HIPK2: variants seen among roughly 807,000 people sequenced by gnomAD.
HIPK2 encodes homeodomain interacting protein kinase 2.
In HIPK2, 27 loss-of-function variants were observed where a neutral mutation model predicts 113.7. The ratio of observed to expected loss-of-function variants is 0.24; its 90% confidence interval spans 0.17 to 0.33. The LOEUF (loss-of-function observed/expected upper bound fraction) is 0.33, where lower values mean the gene tolerates loss of function less well. HIPK2 is among the 10% of genes least tolerant of loss of function. The probability of loss-of-function intolerance (pLI) is 1.00; values close to 1 mark genes in which losing one functional copy is unlikely to be tolerated. For missense variants in HIPK2, 1,257 were observed against 1,588.0 expected (o/e 0.79, Z 3.54); for synonymous variants, 631 against 642.2 (o/e 0.98, Z 0.26).
intron 2 of HIPK2, among the ~76,000 whole-genome samples, chr7:139,664,919 C>T (rs779460153): frequency 9.9e-5 from 15 of 152,208 alleles, no homozygotes; most frequent in South Asian, 2.1e-4. Context: ...TACCAACAAG[C>T]GCTCAGACTC....
chr7:139,730,312 A>T (rs1402996265), intron 1 of HIPK2, among the ~76,000 whole-genome samples: 1 of 151,456 alleles, frequency 6.6e-6, no homozygotes, highest in Non-Finnish European at 1.5e-5. Flanking sequence ...AATCTACTCT[A>T]TTCTTTCCCA....
chr7:139,681,402 A>G (rs1378744442), intron 2 of HIPK2, among the ~76,000 whole-genome samples: 1 of 152,144 alleles, frequency 6.6e-6, no homozygotes, highest in Non-Finnish European at 1.5e-5. Flanking sequence ...AAAATTTTGC[A>G]GTGAAATTAT....
chr7:139,573,203 C>G lies in HIPK2; in HGVS notation c.3321G>C (p.Ala1107=). The change falls in exon 15 of 15, where the codon GCG becomes GCC. Residue 1107 remains alanine (A), a synonymous_variant. Coordinates refer to ENST00000406875, the MANE Select transcript of HIPK2 (RefSeq NM_022740.5). ...TGCCGGTGGAGCCCAGGGCCGCCGGCGCAGTGTAGGTGTAGAGGTGGGGCT... is the reference window on the plus strand; with the variant it reads ...TGCCGGTGGAGCCCAGGGCCGCCGGGGCAGTGTAGGTGTAGAGGTGGGGCT... ...PTQPHLYTYT[A]PAALGSTGTV... 6.2e-7 allele frequency: 1 copy of G among 1,606,340 alleles called. No homozygotes were observed. Among genetic ancestry groups the G allele is most frequent in the East Asian group, 2.2e-5 (1 of 44,802 alleles).
chr7:139,669,208 T>C (rs903552710), intron 2 of HIPK2, among the ~76,000 whole-genome samples: 1 of 152,198 alleles, frequency 6.6e-6, no homozygotes, highest in Non-Finnish European at 1.5e-5. Context: ...CCGAGACCAC[T>C]ATCAATCCCC....
At chr7:139,693,290 T>C (rs979449513) in intron 2 of HIPK2, among the ~76,000 whole-genome samples, 4 of 152,198 alleles carry the variant, frequency 2.6e-5, no homozygotes, top group Non-Finnish European at 5.9e-5. Flanking sequence ...AGTTAGAATT[T>C]TAACTCAATG....
At chr7:139,688,554 T>C (rs893394245) in intron 2 of HIPK2, among the ~76,000 whole-genome samples, 7 of 152,172 alleles carry the variant, frequency 4.6e-5, no homozygotes, top group Non-Finnish European at 1.5e-5. Flanking sequence ...AGGGCTATGG[T>C]TGGGGGTATG....
At chr7:139,607,862 GA>G (rs745756883) in intron 9 of HIPK2, among the ~76,000 whole-genome samples, 1 of 150,032 alleles carries the variant, frequency 6.7e-6, no homozygotes, top group East Asian at 1.9e-4. Context: ...ACCTAAAATG[GA>G]AAAAAAAATC....
Position 139,575,398 on chromosome 7 carries a change from C to A in HIPK2, c.2966-110G>T, listed in dbSNP as rs1798456429. The A allele has an allele frequency of 7.7e-6, 10 of 1,297,894 alleles. No individual in the cohort carries two copies. The South Asian group carries it at 1.5e-4, about 20-fold the overall frequency. 80.4% of individuals were successfully genotyped at this position (1,297,894 alleles called of 1,614,324 possible). ...TCCAGGAAGAAACATGTGCCTGAGG[C>A]CGGGCAGTAACAAATCAGCCTCATC... On this transcript the variant is annotated intron_variant, in intron 13 of 14. Transcript: ENST00000406875.
chr7:139,666,962 G>A (rs1802069158), intron 2 of HIPK2, among the ~76,000 whole-genome samples: 1 of 152,052 alleles, frequency 6.6e-6, no homozygotes, highest in Admixed American at 6.5e-5. Flanking sequence ...TCAGGAGGCT[G>A]AGGCAGAAGA....
intron 12 of HIPK2, among the ~76,000 whole-genome samples, chr7:139,584,829 C>G (rs1004804313): frequency 6.6e-6 from 1 of 152,198 alleles, no homozygotes; most frequent in Admixed American, 6.5e-5. Context: ...GGGAAGGCCC[C>G]TGCCAGGTTG....
intron 2 of HIPK2, among the ~76,000 whole-genome samples, chr7:139,709,173 G>A (rs761805938): frequency 9.2e-5 from 14 of 152,100 alleles, no homozygotes; most frequent in Admixed American, 8.5e-4. Context: ...ATACATGTAC[G>A]TATTTATAAC....
chr7:139,745,562 G>A (rs1796176013), intron 1 of HIPK2, among the ~76,000 whole-genome samples: 1 of 152,178 alleles, frequency 6.6e-6, no homozygotes, highest in Non-Finnish European at 1.5e-5. Context: ...GGAATGTCCT[G>A]TCTCAAACTT....
chr7:139,685,969 T>C (rs1217075745), intron 2 of HIPK2, among the ~76,000 whole-genome samples: 1 of 152,202 alleles, frequency 6.6e-6, no homozygotes, highest in Non-Finnish European at 1.5e-5. Context: ...AAGAAACACA[T>C]CTTGTAAGCC....
rs373486992 is a variant in HIPK2, at chr7:139,664,756, G to A, written c.1104-33031C>T. Among the ~76,000 whole-genome samples, 29 of 152,232 alleles carry A rather than the reference G, an allele frequency of 1.9e-4. No individual in the cohort carries two copies. The South Asian group carries it at 5.8e-3, about 31-fold the overall frequency. On this transcript the variant is annotated intron_variant, in intron 2 of 14. Transcript: ENST00000406875. ...CTCACTCTCCACCATTAACTTAGGTGCCCCTTTGACTTTCAACTAGTTTTT... is the reference window on the plus strand; with the variant it reads ...CTCACTCTCCACCATTAACTTAGGTACCCCTTTGACTTTCAACTAGTTTTT...
chr7:139,596,619 G>A, intron 12 of HIPK2, 98 bp downstream of exon 12: 3 of 1,486,420 alleles, frequency 2.0e-6, no homozygotes, highest in Non-Finnish European at 1.8e-6. Context: ...GGTCAGAAGA[G>A]AGGGATCCTT....
At position 139,567,406 on chromosome 7, in the gene HIPK2, T is replaced by TAA. The variant is rs1173063482; in HGVS notation, c.*5519_*5520dup. 7.0e-6 allele frequency: 1 copy of TAA among 142,508 alleles called. No individual in the cohort carries two copies. The highest frequency in any genetic ancestry group is 2.8e-5 in the African/African-American group (1 of 35,798). 8.8% of individuals were successfully genotyped at this position (142,508 alleles called of 1,614,324 possible). A position where few individuals can be genotyped will look rare whatever the true frequency, so the allele number is the denominator to read the frequency against. On this transcript the variant is annotated 3_prime_UTR_variant, in exon 15 of 15. Transcript: ENST00000406875. ...TTGAAATAAATGCATTTTTTTTTTT[T>TAA]AAAAAAAAGGACAGAGAGGAAAGAG...
chr7:139,702,790 T>C (rs905071719), intron 2 of HIPK2, among the ~76,000 whole-genome samples: 2 of 152,190 alleles, frequency 1.3e-5, no homozygotes, highest in African/African-American at 2.4e-5. Flanking sequence ...CTTCATCTTC[T>C]CTCTGGACTT....
intron 2 of HIPK2, among the ~76,000 whole-genome samples, chr7:139,665,949 CCTTTTT>C (rs1016693690): frequency 6.2e-5 from 9 of 145,600 alleles, no homozygotes; most frequent in African/African-American, 2.3e-4. Flanking sequence ...AGGAGGTCTG[CCTTTTT>C]TTTTTTTTTT....
At chr7:139,742,836 T>C (rs1484207106) in intron 1 of HIPK2, among the ~76,000 whole-genome samples, 1 of 152,224 alleles carries the variant, frequency 6.6e-6, no homozygotes, top group African/African-American at 2.4e-5. Context: ...ATCATCCAAA[T>C]GCCATTGGGC....
Sources: gnomAD v4.1 joint callset for allele counts (sites outside exome capture counted in the v4.1 genomes callset) on GRCh38, gnomAD v4.1.1 for gene constraint, MANE v1.5 for transcripts, NCBI Gene and HGNC (gene_info 2026-07-23, HGNC 2026-07-21) for gene names.